The following STEAP3 variants were observed in gnomAD, a reference collection of about 807,000 sequenced individuals.
STEAP3 encodes the protein metalloreductase STEAP3.
In STEAP3, 35 loss-of-function variants were observed where a neutral mutation model predicts 34.9. The observed-to-expected ratio is 1.00, with a 90% CI of 0.76 to 1.33. STEAP3 has a LOEUF of 1.33. STEAP3 is among the 40% of genes most tolerant of loss of function. The pLI, the probability that STEAP3 is intolerant of heterozygous loss-of-function variation, is 0.00. For synonymous variants in STEAP3, 281 were observed against 301.6 expected (o/e 0.93, Z 0.71); for missense variants, 652 against 667.6 (o/e 0.98, Z 0.26).
intron 5 of STEAP3, chr2:119,257,635 G>A (rs1677814508): frequency 2.0e-6 from 3 of 1,481,056 alleles, no homozygotes; most frequent in East Asian, 2.7e-5. Flanking sequence ...GATTTGAGCT[G>A]GACACGTTAA....
intron 5 of STEAP3, among the ~76,000 whole-genome samples, chr2:119,260,685 T>C (rs1677918202): frequency 6.6e-6 from 1 of 152,212 alleles, no homozygotes; most frequent in Non-Finnish European, 1.5e-5. Flanking sequence ...TTGGGGTGGC[T>C]CAGAAGTTGC....
chr2:119,247,993 C>A lies in STEAP3; in HGVS notation c.837C>A (p.Leu279=). Residue 279 remains leucine (L), a synonymous_variant, in exon 4 of 6, where the codon CTC becomes CTA. Coordinates refer to ENST00000393110, the MANE Select transcript of STEAP3 (RefSeq NM_182915.3). ...LPCVAYVLLS[L]VYLPGVLAAA... ...GCGTGGCCTACGTGCTGCTGTCACT[C>A]GTGTACTTGCCCGGCGTGCTGGCGG... 1 of 1,612,180 alleles carries A rather than the reference C, an allele frequency of 6.2e-7. No homozygotes were observed. The highest frequency in any genetic ancestry group is 8.5e-7 in the Non-Finnish European group (1 of 1,179,936).
In STEAP3 at chr2:119,248,063, G is replaced by T. The variant is rs776361306; in HGVS notation, c.907G>T (p.Asp303Tyr). The T allele has an allele frequency of 6.2e-7, 1 of 1,608,500 alleles. No homozygotes were observed. Among genetic ancestry groups the T allele is most frequent in the Admixed American group, 1.7e-5 (1 of 60,002 alleles). The change falls in exon 4 of 6, where the codon GAC (aspartate) becomes TAC (tyrosine). Residue 303 changes from aspartate to tyrosine, a missense_variant. Coordinates refer to ENST00000393110, the MANE Select transcript of STEAP3 (RefSeq NM_182915.3). The stretch of plus-strand genomic sequence containing the variant: ...CGGCACCAAGTACCAGCGCTTCCCC[G>T]ACTGGCTGGACCACTGGCTACAGCA... ...RRGTKYQRFP[D>Y]WLDHWLQHRK... is the part of the protein sequence containing the mutation.
intron 1 of STEAP3, among the ~76,000 whole-genome samples, chr2:119,227,810 G>GTATTTATTTATTTATTTATTTATT (rs57135393): frequency 6.9e-6 from 1 of 145,362 alleles, no homozygotes; most frequent in East Asian, 2.1e-4. Flanking sequence ...CCCATTTCTT[G>GTATTTATTTATTTATTTATTTATT]TATTTATTTA....
intron 1 of STEAP3, among the ~76,000 whole-genome samples, chr2:119,227,066 C>G (rs1679062943): frequency 6.6e-6 from 1 of 152,210 alleles, no homozygotes; most frequent in East Asian, 1.9e-4. Context: ...CCAGCTGAGT[C>G]CCACTTCTGG....
intron 5 of STEAP3, 72 bp downstream of exon 5, chr2:119,254,920 C>T (rs546392626): frequency 6.5e-6 from 10 of 1,531,082 alleles, no homozygotes; most frequent in Non-Finnish European, 8.9e-6. Flanking sequence ...AAGTGCTCTG[C>T]CTTTGAGAAC....
intron 5 of STEAP3, among the ~76,000 whole-genome samples, chr2:119,255,205 T>G (rs1367244209): frequency 6.6e-6 from 1 of 151,858 alleles, no homozygotes; most frequent in Non-Finnish European, 1.5e-5. Context: ...TAGGTAGGAG[T>G]CATCATCTAC....
chr2:119,246,243 G>C (rs529171220), intron 3 of STEAP3: 1 of 504,662 alleles, frequency 2.0e-6, no homozygotes, highest in African/African-American at 1.9e-5. Flanking sequence ...ATGGTAACAG[G>C]GTTTCCTAGA....
intron 2 of STEAP3, among the ~76,000 whole-genome samples, chr2:119,243,444 C>T (rs1677309798): frequency 6.6e-6 from 1 of 152,172 alleles, no homozygotes; most frequent in Non-Finnish European, 1.5e-5. Context: ...TCTTCCTCCC[C>T]TCAATTATTT....
At chr2:119,255,507 A>G (rs535074254) in intron 5 of STEAP3, among the ~76,000 whole-genome samples, 1 of 152,336 alleles carries the variant, frequency 6.6e-6, no homozygotes, top group South Asian at 2.1e-4. Context: ...AAAGATTCGA[A>G]TAACATCTAC....
At chr2:119,242,824 G>C (rs1172325204) in intron 2 of STEAP3, among the ~76,000 whole-genome samples, 1 of 152,192 alleles carries the variant, frequency 6.6e-6, no homozygotes, top group South Asian at 2.1e-4. Context: ...GCAGAGTCAG[G>C]ACCAGAATCC....
At chr2:119,234,593 C>T (rs925762447) in intron 2 of STEAP3, among the ~76,000 whole-genome samples, 2 of 152,250 alleles carry the variant, frequency 1.3e-5, no homozygotes, top group South Asian at 2.1e-4. Context: ...TCTTTGGCCA[C>T]CTGCATGGCC....
At chr2:119,240,774 C>A (rs1677225694) in intron 2 of STEAP3, among the ~76,000 whole-genome samples, 1 of 152,148 alleles carries the variant, frequency 6.6e-6, no homozygotes, top group Non-Finnish European at 1.5e-5. Context: ...GGCCTCGGCC[C>A]ACAGAGCTGC....
intron 2 of STEAP3, among the ~76,000 whole-genome samples, chr2:119,239,936 T>C (rs539660588): frequency 6.6e-6 from 1 of 152,224 alleles, no homozygotes; most frequent in Non-Finnish European, 1.5e-5. Context: ...GCTGCATAAG[T>C]GTACATTTTG....
chr2:119,240,256 G>A (rs1677207859), intron 2 of STEAP3, among the ~76,000 whole-genome samples: 1 of 152,232 alleles, frequency 6.6e-6, no homozygotes, highest in Admixed American at 6.5e-5. Flanking sequence ...GAAGATAACT[G>A]TGGGCTGCTT....
In STEAP3 at chr2:119,247,688, T is replaced by C. The variant is rs904286342; in HGVS notation, c.532T>C (p.Cys178Arg). The C allele has an allele frequency of 6.5e-7, 1 of 1,534,954 alleles. No individual in the cohort carries two copies. Among genetic ancestry groups the C allele is most frequent in the Admixed American group, 1.9e-5 (1 of 51,990 alleles). Residue 178 changes from cysteine to arginine, a missense_variant, in exon 4 of 6, where the codon TGC becomes CGC. Cys to Arg is a radical substitution (Grantham distance 180, BLOSUM62 -3). Transcript: ENST00000393110. ...CACTTTTCTCCCGCAGGTGCCCATC[T>C]GCGGTGACCAGCCAGAAGCCAAGCG... ...PRDGNRQVPI[C>R]GDQPEAKRAV...
intron 4 of STEAP3, 31 bp downstream of exon 4, chr2:119,248,237 C>T: frequency 6.5e-7 from 1 of 1,541,914 alleles, no homozygotes; most frequent in Non-Finnish European, 8.7e-7. Flanking sequence ...CTCCCTCTGG[C>T]AACTCAGCAC....
intron 2 of STEAP3, among the ~76,000 whole-genome samples, chr2:119,237,470 C>G (rs75360780): frequency 6.6e-6 from 1 of 152,160 alleles, no homozygotes; most frequent in South Asian, 2.1e-4. Flanking sequence ...GCCCTCCCCC[C>G]AGCCAGGGAG....
intron 1 of STEAP3, among the ~76,000 whole-genome samples, chr2:119,226,999 G>A (rs1056605922): frequency 4.6e-5 from 7 of 152,224 alleles, no homozygotes; most frequent in Middle Eastern, 3.4e-3. Context: ...CTGCCTCATC[G>A]GTTATTCATT....
Sources: allele counts gnomAD v4.1 joint callset (sites outside exome capture counted in the v4.1 genomes callset), GRCh38; gene constraint gnomAD v4.1.1; transcripts MANE v1.5; gene names NCBI Gene and HGNC (gene_info 2026-07-23, HGNC 2026-07-21).